BEX4: variants seen among roughly 807,000 people sequenced by gnomAD.
The protein encoded by BEX4 is protein BEX4.
For synonymous variants in BEX4, 37 were observed against 33.5 expected, an observed-to-expected ratio of 1.11 and a Z score of -0.36; for missense variants, 110 against 96.5, an observed-to-expected ratio of 1.14 and a Z score of -0.59.
rs766131210 is a variant in BEX4 at position 103,216,488 on chromosome X, A to G, written c.335A>G (p.Asn112Ser). 1.2e-5 allele frequency: 14 copies of G among 1,209,062 alleles called. No homozygotes were observed. Among genetic ancestry groups the G allele is most frequent in the Admixed American group, 6.6e-5 (3 of 45,728 alleles). ...YMRFQTPEPD[N>S]HYDFCLIP ...CGCTTCCAAACTCCTGAACCTGACAACCATTATGACTTTTGCCTCATACCT... is the reference window on the plus strand; with the variant it reads ...CGCTTCCAAACTCCTGAACCTGACAGCCATTATGACTTTTGCCTCATACCT... Residue 112 changes from asparagine (N) to serine (S), a missense_variant, in exon 3 of 3, where the codon AAC (asparagine) becomes AGC (serine). Asn to Ser is a conservative substitution (Grantham distance 46, BLOSUM62 1). Coordinates refer to ENST00000372695, the MANE Select transcript of BEX4 (RefSeq NM_001080425.4).
intron 2 of BEX4, 115 bp from the exon 3 acceptor site, chrX:103,216,034 A>G (rs1287495823): frequency 6.6e-6 from 6 of 915,307 alleles, no homozygotes; most frequent in Non-Finnish European, 7.2e-6. Flanking sequence ...GAAATGTTAG[A>G]GTATAAAGTC....
intron 1 of BEX4, 24 bp from the exon 2 acceptor site, chrX:103,215,658 C>T: frequency 9.3e-6 from 8 of 857,686 alleles, no homozygotes; most frequent in Non-Finnish European, 1.0e-5. Context: ...GCTGCAGCAG[C>T]CCCCACTTCC....
In BEX4 at chrX:103,215,749, G is replaced by A. The variant is rs1441602372; in HGVS notation, c.-21G>A. On this transcript the variant is annotated 5_prime_UTR_variant, in exon 2 of 3. Coordinates refer to ENST00000372695, the MANE Select transcript of BEX4 (RefSeq NM_001080425.4). ...CGTCAAGAATCCGGAGGAGGAGACT[G>A]CAAGGATAGGCCCAGGTCGGTGCGA... 2 of 931,474 alleles carry A rather than the reference G, an allele frequency of 2.1e-6. No individual in the cohort carries two copies. The highest frequency in any genetic ancestry group is 3.7e-5 in the Admixed American group (1 of 27,010). 76.8% of individuals were successfully genotyped at this position (931,474 alleles called of 1,213,427 possible).
chrX:103,216,145 C>T lies in BEX4; in HGVS notation c.-5-4C>T. 8.8e-7 allele frequency: 1 copy of T among 1,134,000 alleles called. No homozygotes were observed. The highest frequency in any genetic ancestry group is 3.0e-5 in the Admixed American group (1 of 33,364). 93.5% of individuals were successfully genotyped at this position (1,134,000 alleles called of 1,213,427 possible). A position where few individuals can be genotyped will look rare whatever the true frequency, so the allele number is the denominator to read the frequency against. The stretch of plus-strand genomic sequence containing the variant: ...CAGCCCATTTTCTCTCTCTTGTCTC[C>T]TAGGAGTAATGGAGTCCAAAGAGGA... On this transcript the variant is annotated splice_region_variant and splice_polypyrimidine_tract_variant and intron_variant, in intron 2 of 2. Coordinates refer to ENST00000372695, the MANE Select transcript of BEX4 (RefSeq NM_001080425.4).
rs767426858 is a variant in BEX4, at chrX:103,216,308, G to T, written c.155G>T (p.Arg52Leu). 9 of 1,208,538 alleles carry T rather than the reference G, an allele frequency of 7.4e-6. No homozygotes were observed. The highest frequency in any genetic ancestry group is 8.9e-6 in the Non-Finnish European group (8 of 894,503). Residue 52 changes from arginine (R) to leucine (L), a missense_variant, in exon 3 of 3, where the codon CGG becomes CTG. By Grantham distance (102) the Arg-to-Leu change is moderately radical. Transcript: ENST00000372695. ...EGQKPGGNIR[R>L]GRVRRLVPNF... ...CAGAAGCCTGGAGGAAATATCAGGC[G>T]GGGGCGAGTTAGGCGACTTGTCCCT...
In BEX4 at chrX:103,216,239, C is replaced by T. The variant is rs747374478; in HGVS notation, c.86C>T (p.Thr29Met). 20 of 1,183,480 alleles carry T rather than the reference C, an allele frequency of 1.7e-5. No individual in the cohort carries two copies. Among genetic ancestry groups the T allele is most frequent in the Non-Finnish European group, 1.9e-5 (17 of 882,131 alleles). The change falls in exon 3 of 3, where the codon ACG becomes ATG. Residue 29 changes from threonine (T) to methionine (M), a missense_variant. By Grantham distance (81) the Thr-to-Met change is moderately conservative. Coordinates refer to ENST00000372695, the MANE Select transcript of BEX4 (RefSeq NM_001080425.4). Reference protein sequence around the residue: ...QENEGGEQAPTQNEEESRHLG... With the variant: ...QENEGGEQAPMQNEEESRHLG... ...AACGAAGGAGGGGAGCAGGCCCCCA[C>T]GCAGAATGAAGAAGAATCCCGCCAT...
chrX:103,216,127 T>G (rs1220169528), intron 2 of BEX4, 22 bp from the exon 3 acceptor site: 1 of 1,129,620 alleles, frequency 8.9e-7, no homozygotes, highest in Non-Finnish European at 1.2e-6. Flanking sequence ...ATTCAGCCCA[T>G]TTTCTCTCTC....
chrX:103,215,439 C>G (rs1924549345), intron 1 of BEX4, among the ~76,000 whole-genome samples: 1 of 112,453 alleles, frequency 8.9e-6, no homozygotes, highest in Admixed American at 9.3e-5. Context: ...TACGACCCTT[C>G]GGAAACACCT....
At chrX:103,215,915 C>T (rs1334616160) in intron 2 of BEX4, among the ~76,000 whole-genome samples, 151 bp downstream of exon 2, 1 of 111,118 alleles carries the variant, frequency 9.0e-6, no homozygotes, top group Non-Finnish European at 1.9e-5. Context: ...TTGCTGCCTG[C>T]GGAAGCCTGG....
chrX:103,215,844 C>T, intron 2 of BEX4, 80 bp downstream of exon 2: 1 of 668,868 alleles, frequency 1.5e-6, no homozygotes, highest in South Asian at 5.1e-5. Context: ...ATGCCTTCAC[C>T]CTCGCCCCCC....
chrX:103,215,356 C>A, intron 1 of BEX4, 118 bp downstream of exon 1: 1 of 528,419 alleles, frequency 1.9e-6, no homozygotes, highest in Non-Finnish European at 2.3e-6. Flanking sequence ...AGCCCCCGGG[C>A]CCCGCGGCGG....
chrX:103,215,900 C>T (rs960415423), intron 2 of BEX4, 136 bp downstream of exon 2: 1 of 543,090 alleles, frequency 1.8e-6, no homozygotes, highest in Non-Finnish European at 2.5e-6. Flanking sequence ...TCCTCGTCCT[C>T]CATTTTGCTG....
chrX:103,215,585 G>C (rs1201629577), intron 1 of BEX4, 97 bp from the exon 2 acceptor site: 6 of 660,946 alleles, frequency 9.1e-6, no homozygotes, highest in Non-Finnish European at 9.3e-6. Flanking sequence ...CCAGGGCCAG[G>C]GCCAGGGCCT....
Position 103,216,196 on chromosome X carries a change from G to A in BEX4, c.43G>A (p.Glu15Lys), listed in dbSNP as rs1569299540. The change falls in exon 3 of 3, where the codon GAA becomes AAA. Residue 15 changes from glutamate to lysine, a missense_variant. Transcript: ENST00000372695. Reference sequence around the variant, plus strand: ...ACTAGCGGCAAACAATCTCAACGGGGAAAATGCCCAACAAGAAAACGAAGG... The same window carrying A: ...ACTAGCGGCAAACAATCTCAACGGGAAAAATGCCCAACAAGAAAACGAAGG... ...EELAANNLNGENAQQENEGGE... is the reference protein window; with the variant it reads ...EELAANNLNGKNAQQENEGGE... The A allele has an allele frequency of 2.6e-6, 3 of 1,152,682 alleles. No homozygotes were observed. The highest frequency in any genetic ancestry group is 3.0e-5 in the East Asian group (1 of 33,302). 95.0% of individuals were successfully genotyped at this position (1,152,682 alleles called of 1,213,427 possible). A position where few individuals can be genotyped will look rare whatever the true frequency, so the allele number is the denominator to read the frequency against.
intron 1 of BEX4, 128 bp downstream of exon 1, chrX:103,215,366 G>A: frequency 2.1e-6 from 1 of 474,914 alleles, no homozygotes; most frequent in Non-Finnish European, 2.6e-6. Flanking sequence ...CCCCGCGGCG[G>A]GCCCGCGAGC....
rs1924561151 is a variant in BEX4, at chrX:103,215,682, T to C, written c.-88T>C. On this transcript the variant is annotated splice_region_variant and 5_prime_UTR_variant, in exon 2 of 3. Coordinates refer to ENST00000372695, the MANE Select transcript of BEX4 (RefSeq NM_001080425.4). Reference sequence around the variant, plus strand: ...GCCCCCACTTCCCCCACCCCGGCAGTCTGCAGGTCTGCGGGGCTAAGTGTC... The same window carrying C: ...GCCCCCACTTCCCCCACCCCGGCAGCCTGCAGGTCTGCGGGGCTAAGTGTC... 1 of 889,674 alleles carries C rather than the reference T, an allele frequency of 1.1e-6. No individual in the cohort carries two copies. The highest frequency in any genetic ancestry group is 1.4e-6 in the Non-Finnish European group (1 of 720,680). The allele number at this position is 889,674 out of a possible 1,213,427, so 73.3% of individuals were successfully genotyped here.
chrX:103,215,662 C>G lies in BEX4; in HGVS notation c.-88-20C>G. 2.3e-6 allele frequency: 2 copies of G among 865,667 alleles called. No individual in the cohort carries two copies. The highest frequency in any genetic ancestry group is 2.8e-6 in the Non-Finnish European group (2 of 705,620). The allele number at this position is 865,667 out of a possible 1,213,427, so 71.3% of individuals were successfully genotyped here. The stretch of plus-strand genomic sequence containing the variant: ...GCTAGCGTTCTGCTGCAGCAGCCCC[C>G]ACTTCCCCCACCCCGGCAGTCTGCA... On this transcript the variant is annotated intron_variant, in intron 1 of 2. Transcript: ENST00000372695.
chrX:103,215,677 G>A lies in BEX4; in HGVS notation c.-88-5G>A. On this transcript the variant is annotated splice_polypyrimidine_tract_variant and splice_region_variant and intron_variant, in intron 1 of 2. Transcript: ENST00000372695. ...CAGCAGCCCCCACTTCCCCCACCCC[G>A]GCAGTCTGCAGGTCTGCGGGGCTAA... The A allele has an allele frequency of 6.8e-6, 6 of 885,201 alleles. No individual in the cohort carries two copies. In the South Asian group the frequency reaches 1.8e-4, roughly 26 times the overall value. The allele number at this position is 885,201 out of a possible 1,213,427, so 73.0% of individuals were successfully genotyped here. A position where few individuals can be genotyped will look rare whatever the true frequency, so the allele number is the denominator to read the frequency against.
rs775129946 is a variant in BEX4, at chrX:103,216,212, A to T, written c.59A>T (p.Glu20Val). The change falls in exon 3 of 3, where the codon GAA (glutamate) becomes GTA (valine). Residue 20 changes from glutamate (E) to valine (V), a missense_variant. Physicochemically the swap from Glu to Val is moderately radical, Grantham distance 121. Coordinates refer to ENST00000372695, the MANE Select transcript of BEX4 (RefSeq NM_001080425.4). ...NNLNGENAQQ[E>V]NEGGEQAPTQ... ...CTCAACGGGGAAAATGCCCAACAAGAAAACGAAGGAGGGGAGCAGGCCCCC... is the reference window on the plus strand; with the variant it reads ...CTCAACGGGGAAAATGCCCAACAAGTAAACGAAGGAGGGGAGCAGGCCCCC... 8.7e-7 allele frequency: 1 copy of T among 1,152,740 alleles called. No individual in the cohort carries two copies. Among genetic ancestry groups the T allele is most frequent in the Admixed American group, 2.8e-5 (1 of 36,246 alleles). The allele number at this position is 1,152,740 out of a possible 1,213,427, so 95.0% of individuals were successfully genotyped here.
Sources: gnomAD v4.1 joint callset for allele counts (sites outside exome capture counted in the v4.1 genomes callset) on GRCh38, gnomAD v4.1.1 for gene constraint, MANE v1.5 for transcripts, NCBI Gene and HGNC (gene_info 2026-07-23, HGNC 2026-07-21) for gene names.